The following FSHR variants were observed in gnomAD, a reference collection of about 807,000 sequenced individuals.
FSHR encodes follicle-stimulating hormone receptor.
Under a neutral mutation model 52.1 loss-of-function variants are expected in FSHR, and 46 were observed. The ratio of observed to expected loss-of-function variants is 0.88; its 90% confidence interval spans 0.70 to 1.13. The LOEUF (loss-of-function observed/expected upper bound fraction) is 1.13. Ranked by LOEUF, FSHR falls within the 50% of genes most tolerant of loss-of-function variation. The probability of loss-of-function intolerance (pLI) is 0.00; values close to 1 mark genes in which losing one functional copy is unlikely to be tolerated. For synonymous variants in FSHR, 399 were observed against 309.6 expected (o/e 1.29, Z -3.03); for missense variants, 964 against 834.6 (o/e 1.16, Z -1.91).
intron 1 of FSHR, among the ~76,000 whole-genome samples, chr2:49,140,452 CT>C (rs1271085191): frequency 4.6e-5 from 7 of 152,184 alleles, no homozygotes; most frequent in African/African-American, 1.4e-4. Context: ...TCTGCACAGC[CT>C]GCTGAACTAT....
intron 8 of FSHR, among the ~76,000 whole-genome samples, chr2:48,977,338 G>T (rs1675036384): frequency 6.6e-6 from 1 of 152,152 alleles, no homozygotes; most frequent in African/African-American, 2.4e-5. Flanking sequence ...TCATGCAGAA[G>T]AGTTTAGGAT....
chr2:49,041,086 C>T (rs72827283), intron 2 of FSHR, among the ~76,000 whole-genome samples: 8,200 of 152,212 alleles, frequency 0.054, 432 homozygotes, highest in East Asian at 0.21. Flanking sequence ...CAATGCAAGA[C>T]GGCTATACAC....
intron 2 of FSHR, among the ~76,000 whole-genome samples, chr2:49,061,813 C>T (rs12469454): frequency 0.35 from 48,027 of 137,512 alleles, 8,937 homozygotes; most frequent in East Asian, 0.49. Flanking sequence ...TATATATAGT[C>T]ATATATAACT....
intron 1 of FSHR, among the ~76,000 whole-genome samples, chr2:49,122,332 G>T (rs549992767): frequency 1.3e-5 from 2 of 152,166 alleles, no homozygotes; most frequent in African/African-American, 2.4e-5. Flanking sequence ...ATGCATAGAG[G>T]GGGGATGGCT....
intron 8 of FSHR, among the ~76,000 whole-genome samples, chr2:48,969,122 T>G (rs1252692482): frequency 6.6e-6 from 1 of 152,152 alleles, no homozygotes; most frequent in Non-Finnish European, 1.5e-5. Context: ...CCACTCTGAT[T>G]CCTGGATATA....
At chr2:49,108,903 A>G (rs1671328998) in intron 1 of FSHR, among the ~76,000 whole-genome samples, 1 of 152,170 alleles carries the variant, frequency 6.6e-6, no homozygotes, top group Admixed American at 6.5e-5. Context: ...ATAACCTAAT[A>G]TGTGTCATGA....
chr2:49,060,478 T>A (rs1375094400), intron 2 of FSHR, among the ~76,000 whole-genome samples: 1 of 152,078 alleles, frequency 6.6e-6, no homozygotes, highest in East Asian at 1.9e-4. Flanking sequence ...GCCAGGGTGG[T>A]CACACACCCC....
chr2:49,067,722 A>G (rs1050403800), intron 2 of FSHR, among the ~76,000 whole-genome samples: 4 of 152,092 alleles, frequency 2.6e-5, no homozygotes, highest in African/African-American at 7.2e-5. Context: ...TCTCTTTTCA[A>G]AGGAAATCTT....
chr2:49,061,696 T>C (rs939997519), intron 2 of FSHR, among the ~76,000 whole-genome samples: 1 of 140,724 alleles, frequency 7.1e-6, no homozygotes, highest in Admixed American at 7.2e-5. Flanking sequence ...TATATTTATA[T>C]TTATATATAT....
chr2:49,105,255 C>T (rs1671181693), intron 1 of FSHR, among the ~76,000 whole-genome samples: 1 of 152,112 alleles, frequency 6.6e-6, no homozygotes, highest in African/African-American at 2.4e-5. Context: ...GCAGTTTTCT[C>T]CCCTTTGCCT....
intron 1 of FSHR, among the ~76,000 whole-genome samples, chr2:49,109,125 T>G (rs7606570): frequency 0.34 from 50,925 of 151,844 alleles, 9,908 homozygotes; most frequent in African/African-American, 0.51. Context: ...ACAGATAAAT[T>G]TGAGTATATT....
intron 1 of FSHR, among the ~76,000 whole-genome samples, chr2:49,120,523 T>C (rs1448210961): frequency 6.6e-6 from 1 of 152,208 alleles, no homozygotes; most frequent in Non-Finnish European, 1.5e-5. Flanking sequence ...GATACAGTGA[T>C]ATAATATTAT....
chr2:49,147,976 G>A (rs1440970319), intron 1 of FSHR, among the ~76,000 whole-genome samples: 2 of 151,986 alleles, frequency 1.3e-5, no homozygotes, highest in Non-Finnish European at 2.9e-5. Flanking sequence ...GGGGTGTTCA[G>A]TTTTGATAAT....
intron 1 of FSHR, among the ~76,000 whole-genome samples, chr2:49,081,865 G>T (rs1450080973): frequency 6.6e-6 from 1 of 152,170 alleles, no homozygotes; most frequent in African/African-American, 2.4e-5. Context: ...AAGGAGAACG[G>T]TTTAAAAGAT....
chr2:48,989,220 C>G (rs1206692896), intron 5 of FSHR, among the ~76,000 whole-genome samples, 166 bp from the exon 6 acceptor site: 1 of 149,194 alleles, frequency 6.7e-6, no homozygotes, highest in Non-Finnish European at 1.5e-5. Context: ...AAAAAATTGT[C>G]TCTAATTTAT....
At chr2:49,027,383 T>G (rs1667943632) in intron 2 of FSHR, among the ~76,000 whole-genome samples, 1 of 152,160 alleles carries the variant, frequency 6.6e-6, no homozygotes, top group South Asian at 2.1e-4. Flanking sequence ...TTTATGTATA[T>G]AATATGCAAG....
intron 2 of FSHR, among the ~76,000 whole-genome samples, chr2:49,036,702 A>G (rs926832280): frequency 1.3e-5 from 2 of 152,088 alleles, no homozygotes; most frequent in East Asian, 3.9e-4. Flanking sequence ...AATCTAAACT[A>G]TGTCTTTTAC....
chr2:49,083,989 G>C (rs1670274257), intron 1 of FSHR, among the ~76,000 whole-genome samples: 1 of 151,718 alleles, frequency 6.6e-6, no homozygotes, highest in African/African-American at 2.4e-5. Context: ...TCTGCACCAA[G>C]CAGACCTAAT....
intron 4 of FSHR, 43 bp downstream of exon 4, chr2:49,017,446 C>G: frequency 2.1e-6 from 3 of 1,446,782 alleles, no homozygotes; most frequent in Non-Finnish European, 2.9e-6. Flanking sequence ...TAGGCTTGCA[C>G]TATTTAATCA....
Sources: allele counts gnomAD v4.1 joint callset (sites outside exome capture counted in the v4.1 genomes callset), GRCh38; gene constraint gnomAD v4.1.1; transcripts MANE v1.5; gene names NCBI Gene and HGNC (gene_info 2026-07-23, HGNC 2026-07-21).